The following MPDZ variants were observed in gnomAD, a reference collection of about 807,000 sequenced individuals.
The protein encoded by MPDZ is multiple PDZ domain crumbs cell polarity complex component, also known as multiple PDZ domain protein.
In MPDZ, 234 loss-of-function variants were observed where a neutral mutation model predicts 239.1. The observed-to-expected ratio is 0.98, with a 90% confidence interval of 0.88 to 1.09. MPDZ has a LOEUF of 1.09. MPDZ is among the 50% of genes least tolerant of loss of function. The pLI is 0.00. For missense variants in MPDZ, 3,175 were observed against 2,510.0 expected, an observed-to-expected ratio of 1.26 and a Z score of -5.66; for synonymous variants, 1,048 against 881.3, an observed-to-expected ratio of 1.19 and a Z score of -3.35.
intron 18 of MPDZ, 86 bp from the exon 19 acceptor site, chr9:13,183,671 C>T: frequency 7.9e-7 from 1 of 1,260,116 alleles, no homozygotes; most frequent in Non-Finnish European, 1.1e-6. Context: ...AAAAGGCAAA[C>T]TGGTATCATT....
At chr9:13,149,904 C>T (rs1216899410) in intron 25 of MPDZ, among the ~76,000 whole-genome samples, 1 of 151,566 alleles carries the variant, frequency 6.6e-6, no homozygotes, top group Non-Finnish European at 1.5e-5. Flanking sequence ...ATCCTGGCTT[C>T]GACTGAGAAG....
At chr9:13,205,221 T>G in intron 11 of MPDZ, 114 bp from the exon 12 acceptor site, 2 of 536,538 alleles carry the variant, frequency 3.7e-6, no homozygotes, top group Non-Finnish European at 6.2e-6. Flanking sequence ...TTTTCAGAGA[T>G]AAACTTCTCA....
Position 13,126,745 on chromosome 9 carries a change from T to C in MPDZ, c.4492A>G (p.Ser1498Gly), listed in dbSNP as rs1191820589. 6.2e-7 allele frequency: 1 copy of C among 1,613,946 alleles called. No homozygotes were observed. Among genetic ancestry groups the C allele is most frequent in the Non-Finnish European group, 8.5e-7 (1 of 1,179,854 alleles). ...ACTCCACTGAGTGTATCTTCTTCGCTGATAGCAATACCCAAACCCCCCTGA... is the reference window on the plus strand; with the variant it reads ...ACTCCACTGAGTGTATCTTCTTCGCCGATAGCAATACCCAAACCCCCCTGA... ...KDQGGLGIAI[S>G]EEDTLSGVII... Residue 1498 changes from serine (S) to glycine (G), a missense_variant, in exon 33 of 47, where the codon AGC becomes GGC. Ser to Gly is a moderately conservative substitution (Grantham distance 56). Coordinates refer to ENST00000319217, the MANE Select transcript of MPDZ (RefSeq NM_001378778.1).
At chr9:13,223,818 A>T in intron 4 of MPDZ, 108 bp from the exon 5 acceptor site, 1 of 1,221,026 alleles carries the variant, frequency 8.2e-7, no homozygotes, top group Non-Finnish European at 1.1e-6. Flanking sequence ...GATCACTTGA[A>T]GCCAGGAGTT....
At chr9:13,206,177 T>C (rs566905403) in intron 10 of MPDZ, 78 bp from the exon 11 acceptor site, 748 of 1,315,144 alleles carry the variant, frequency 5.7e-4, no homozygotes, top group Non-Finnish European at 7.5e-4. Context: ...AAAATGTGTA[T>C]GTATAGTTGT....
chr9:13,255,571 T>C (rs1394066906), intron 1 of MPDZ, among the ~76,000 whole-genome samples: 4 of 152,168 alleles, frequency 2.6e-5, no homozygotes, highest in African/African-American at 7.2e-5. Context: ...AGAATGGATG[T>C]TGTGTTAGCG....
chr9:13,231,161 TA>T (rs1367118928), intron 3 of MPDZ, among the ~76,000 whole-genome samples: 11 of 151,146 alleles, frequency 7.3e-5, no homozygotes, highest in East Asian at 1.9e-4. Flanking sequence ...GCATTGGGAA[TA>T]AAAAAAAGGA....
chr9:13,121,977 A>T lies in MPDZ; in HGVS notation c.5038-45T>A, dbSNP rs768326139. 48 of 1,600,580 alleles carry T rather than the reference A, an allele frequency of 3.0e-5. No individual in the cohort carries two copies. The East Asian group carries it at 1.1e-3, about 35-fold the overall frequency. On this transcript the variant is annotated intron_variant, in intron 37 of 46. Transcript: ENST00000319217. ...TGACTGTAAGGAACATGAGAAGTAA[A>T]GGAGAGTTAGGTGGGGAAGGGAAGA...
At chr9:13,188,660 A>G (rs1413136790) in intron 17 of MPDZ, 124 bp downstream of exon 17, 1 of 681,586 alleles carries the variant, frequency 1.5e-6, no homozygotes, top group Non-Finnish European at 2.4e-6. Context: ...TGGAGCTAGT[A>G]ATCACGTTGA....
chr9:13,136,737 A>T lies in MPDZ; in HGVS notation c.4267T>A (p.Ser1423Thr). ...NASSIIKCAP[S>T]KVKIIFIRNK... ...CTGATAAAAATTATTTTCACTTTAG[A>T]AGGGGCACATTTAATGATTGATGAG... Residue 1423 changes from serine (S) to threonine (T), a missense_variant, in exon 30 of 47, where the codon TCT (serine) becomes ACT (threonine). Transcript: ENST00000319217. The T allele has an allele frequency of 6.3e-7, 1 of 1,598,982 alleles. No individual in the cohort carries two copies. Among genetic ancestry groups the T allele is most frequent in the Non-Finnish European group, 8.5e-7 (1 of 1,170,532 alleles).
intron 27 of MPDZ, among the ~76,000 whole-genome samples, chr9:13,143,052 G>A (rs1947941954): frequency 6.6e-6 from 1 of 152,110 alleles, no homozygotes; most frequent in Non-Finnish European, 1.5e-5. Context: ...TTTGTGCAGT[G>A]ATTAACTCAT....
intron 3 of MPDZ, among the ~76,000 whole-genome samples, chr9:13,232,907 T>C (rs918265716): frequency 6.9e-6 from 1 of 144,268 alleles, no homozygotes; most frequent in African/African-American, 2.5e-5. Context: ...AAAGAAGATA[T>C]CCAAATGACC....
chr9:13,175,802 T>C lies in MPDZ; in HGVS notation c.3005A>G (p.Lys1002Arg). ...AECVMLQNVS[K>R]ESFERTINIA... is the part of the protein sequence containing the mutation. ...ATTAATAGTCCTTTCAAAAGATTCT[T>C]TAGATACATTTTGAAGCATGACACA... Residue 1002 changes from lysine (K) to arginine (R), a missense_variant, in exon 21 of 47, where the codon AAA becomes AGA. Lys to Arg is a conservative substitution (Grantham distance 26). Transcript: ENST00000319217. 6.3e-7 allele frequency: 1 copy of C among 1,579,954 alleles called. No individual in the cohort carries two copies. Among genetic ancestry groups the C allele is most frequent in the Non-Finnish European group, 8.6e-7 (1 of 1,161,802 alleles).
chr9:13,147,610 C>T lies in MPDZ; in HGVS notation c.3679G>A (p.Ala1227Thr), dbSNP rs761963304. ...ACAGGGTTGCCTGCTTTCCGAATGG[C>T]TTCCACAGCTTGTTCATGGCTTGCA... ...RDASHEQAVEAIRKAGNPVVF... is the reference protein window; with the variant it reads ...RDASHEQAVETIRKAGNPVVF... The change falls in exon 26 of 47, where the codon GCC becomes ACC. Residue 1227 changes from alanine (A) to threonine (T), a missense_variant. Transcript: ENST00000319217. 1.3e-5 allele frequency: 21 copies of T among 1,612,296 alleles called. No homozygotes were observed. The highest frequency in any genetic ancestry group is 8.4e-5 in the Admixed American group (5 of 59,872).
intron 3 of MPDZ, among the ~76,000 whole-genome samples, chr9:13,236,198 T>TGTGTGTGG (rs1963900011): frequency 1.9e-4 from 1 of 5,202 alleles, no homozygotes; most frequent in African/African-American, 4.1e-4. Flanking sequence ...TCTGTATATA[T>TGTGTGTGG]GTGTGTGTGT....
At chr9:13,196,610 CA>C (rs925829893) in intron 12 of MPDZ, among the ~76,000 whole-genome samples, 4 of 151,660 alleles carry the variant, frequency 2.6e-5, no homozygotes, top group Non-Finnish European at 4.4e-5. Flanking sequence ...TTTAGTTCAT[CA>C]GGGGAAAAAA....
At chr9:13,275,820 T>C (rs569962625) in intron 1 of MPDZ, among the ~76,000 whole-genome samples, 53 of 152,126 alleles carry the variant, frequency 3.5e-4, no homozygotes, top group Non-Finnish European at 5.9e-4. Flanking sequence ...ACTCCAGAAA[T>C]ATACAAATTG....
chr9:13,259,304 A>G (rs1013624547), intron 1 of MPDZ, among the ~76,000 whole-genome samples: 2 of 151,942 alleles, frequency 1.3e-5, no homozygotes, highest in African/African-American at 2.4e-5. Context: ...ACCACACTCC[A>G]GCCTGGGCAA....
At chr9:13,226,319 A>C (rs1960590897) in intron 3 of MPDZ, among the ~76,000 whole-genome samples, 1 of 152,266 alleles carries the variant, frequency 6.6e-6, no homozygotes, top group East Asian at 1.9e-4. Context: ...ATAATAAAGC[A>C]ATGCAGTCAA....
Sources: gnomAD v4.1 joint callset for allele counts (sites outside exome capture counted in the v4.1 genomes callset) on GRCh38, gnomAD v4.1.1 for gene constraint, MANE v1.5 for transcripts, NCBI Gene and HGNC (gene_info 2026-07-23, HGNC 2026-07-21) for gene names.